The following SKA2 variants were observed in gnomAD, a reference collection of about 807,000 sequenced individuals.
SKA2 encodes the protein spindle and kinetochore-associated protein 2.
A neutral mutation model predicts 16.9 loss-of-function variants in SKA2; 13 were observed. The ratio of observed to expected loss-of-function variants is 0.77; its 90% confidence interval spans 0.50 to 1.22. SKA2 has a LOEUF of 1.22. Ranked by LOEUF, SKA2 falls within the 50% of genes most tolerant of loss-of-function variation. SKA2 has a pLI of 0.00. For missense variants in SKA2, 107 were observed against 139.7 expected (o/e 0.77, Z 1.18); for synonymous variants, 47 against 48.5 (o/e 0.97, Z 0.13).
chr17:59,122,721 C>T (rs2046343481), intron 2 of SKA2, among the ~76,000 whole-genome samples: 1 of 152,138 alleles, frequency 6.6e-6, no homozygotes, highest in South Asian at 2.1e-4. Flanking sequence ...GCCTGGGAGG[C>T]AGATACTGCC....
chr17:59,129,715 C>G (rs993332904), intron 2 of SKA2, among the ~76,000 whole-genome samples: 1 of 151,746 alleles, frequency 6.6e-6, no homozygotes, highest in African/African-American at 2.4e-5. Context: ...ATTAGCCGAG[C>G]ATGGTAGCCT....
intron 1 of SKA2, among the ~76,000 whole-genome samples, chr17:59,152,269 A>G (rs1446140458): frequency 6.6e-6 from 1 of 152,170 alleles, no homozygotes; most frequent in Non-Finnish European, 1.5e-5. Context: ...GATTGATGCA[A>G]AAATATATTT....
At chr17:59,124,322 C>T (rs1023792636) in intron 2 of SKA2, 6 of 151,818 alleles carry the variant, frequency 4.0e-5, no homozygotes, top group African/African-American at 9.7e-5. Context: ...TTTCCACCTA[C>T]GCAGGAGACT....
chr17:59,138,418 C>T (rs2046462473), intron 1 of SKA2, among the ~76,000 whole-genome samples: 1 of 151,464 alleles, frequency 6.6e-6, no homozygotes, highest in Non-Finnish European at 1.5e-5. Context: ...TAGGGATGCT[C>T]AACCAGTTGT....
intron 1 of SKA2, among the ~76,000 whole-genome samples, chr17:59,146,838 T>C (rs2046535936): frequency 1.3e-5 from 2 of 152,130 alleles, no homozygotes; most frequent in African/African-American, 2.4e-5. Context: ...CTAATGTTTT[T>C]ACTTTTATTT....
chr17:59,154,367 C>T (rs554028495), intron 1 of SKA2, among the ~76,000 whole-genome samples: 2 of 151,946 alleles, frequency 1.3e-5, no homozygotes, highest in African/African-American at 4.8e-5. Context: ...CAGCTGGGCG[C>T]CCCCCGAGCA....
At chr17:59,138,678 C>T (rs534794750) in intron 1 of SKA2, among the ~76,000 whole-genome samples, 10 of 152,096 alleles carry the variant, frequency 6.6e-5, no homozygotes, top group Non-Finnish European at 1.2e-4. Context: ...GTGATCTGCC[C>T]GCCTCGGCCT....
chr17:59,143,124 T>C (rs1338250740), intron 1 of SKA2, among the ~76,000 whole-genome samples: 2 of 152,144 alleles, frequency 1.3e-5, no homozygotes, highest in Middle Eastern at 3.4e-3. Context: ...TTGTAGCAAA[T>C]AGAGCAATAA....
chr17:59,127,815 G>T (rs187566370), intron 2 of SKA2, among the ~76,000 whole-genome samples: 1 of 152,106 alleles, frequency 6.6e-6, no homozygotes, highest in African/African-American at 2.4e-5. Flanking sequence ...GTATATACTC[G>T]AGAGAAATGA....
At chr17:59,147,926 T>C (rs1339881770) in intron 1 of SKA2, among the ~76,000 whole-genome samples, 4 of 152,072 alleles carry the variant, frequency 2.6e-5, no homozygotes, top group Non-Finnish European at 5.9e-5. Flanking sequence ...CACTGCAACT[T>C]CTGCCTCCCA....
intron 2 of SKA2, among the ~76,000 whole-genome samples, chr17:59,129,044 C>T (rs918654338): frequency 2.6e-5 from 4 of 152,046 alleles, no homozygotes; most frequent in Non-Finnish European, 4.4e-5. Context: ...TCTTTCAAAA[C>T]AGTACTTGAA....
intron 2 of SKA2, among the ~76,000 whole-genome samples, chr17:59,121,190 T>C (rs2046331308): frequency 6.8e-6 from 1 of 146,334 alleles, no homozygotes; most frequent in African/African-American, 2.5e-5. Flanking sequence ...AAGGGTACAA[T>C]AAAGACTTTT....
intron 1 of SKA2, among the ~76,000 whole-genome samples, chr17:59,135,271 C>A (rs2046436570): frequency 6.6e-6 from 1 of 150,634 alleles, no homozygotes; most frequent in South Asian, 2.1e-4. Flanking sequence ...CCAAAGAGTA[C>A]CCTTCTAATC....
chr17:59,151,852 C>A (rs1432632699), intron 1 of SKA2: 1 of 152,108 alleles, frequency 6.6e-6, no homozygotes, highest in Non-Finnish European at 1.5e-5. Context: ...AGAACATTAA[C>A]CCTATCTAAC....
chr17:59,147,191 G>A (rs1274899416), intron 1 of SKA2, among the ~76,000 whole-genome samples: 1 of 151,654 alleles, frequency 6.6e-6, no homozygotes, highest in Non-Finnish European at 1.5e-5. Flanking sequence ...GTCCTCAAAT[G>A]AACCCCTTGG....
chr17:59,112,817 G>A (rs1395009579), intron 3 of SKA2, among the ~76,000 whole-genome samples: 1 of 152,050 alleles, frequency 6.6e-6, no homozygotes, highest in Non-Finnish European at 1.5e-5. Context: ...TAAATGCTAT[G>A]TACATAATTG....
At chr17:59,134,903 C>T (rs534484762) in intron 1 of SKA2, among the ~76,000 whole-genome samples, 1 of 152,036 alleles carries the variant, frequency 6.6e-6, no homozygotes. Context: ...GGCAACAACT[C>T]GGCTCACTAC....
chr17:59,121,575 C>A (rs2046333953), intron 2 of SKA2, among the ~76,000 whole-genome samples: 1 of 150,814 alleles, frequency 6.6e-6, no homozygotes, highest in Non-Finnish European at 1.5e-5. Flanking sequence ...ATCACTTGAG[C>A]CTGGGAGGCA....
chr17:59,132,768 A>G (rs1002133477), intron 1 of SKA2, among the ~76,000 whole-genome samples: 1 of 152,188 alleles, frequency 6.6e-6, no homozygotes, highest in African/African-American at 2.4e-5. Context: ...ATTTTACTCT[A>G]TTTCTGTAGT....
Sources: gnomAD v4.1 joint callset for allele counts (sites outside exome capture counted in the v4.1 genomes callset) on GRCh38, gnomAD v4.1.1 for gene constraint, MANE v1.5 for transcripts, NCBI Gene and HGNC (gene_info 2026-07-23, HGNC 2026-07-21) for gene names.